The following AGO4 variants were observed in gnomAD, a reference collection of about 807,000 sequenced individuals.
AGO4 encodes the protein argonaute RISC component 4.
In AGO4, 33 loss-of-function variants were observed where a neutral mutation model predicts 104.7. That is an observed-to-expected ratio of 0.32 (90% CI 0.24 to 0.42). The LOEUF is 0.42. Ranked by LOEUF, AGO4 falls within the 10% of genes least tolerant of loss-of-function variation. The pLI is 1.00. For synonymous variants in AGO4, 331 were observed against 364.7 expected (o/e 0.91, Z 1.05); for missense variants, 711 against 1,083.4 (o/e 0.66, Z 4.83).
At chr1:35,822,552 C>G (rs1295003966) in intron 2 of AGO4, among the ~76,000 whole-genome samples, 1 of 152,146 alleles carries the variant, frequency 6.6e-6, no homozygotes, top group Non-Finnish European at 1.5e-5. Context: ...CCACACCCAG[C>G]CAGGTTATTC....
At chr1:35,849,359 T>A (rs1644646654) in intron 15 of AGO4, among the ~76,000 whole-genome samples, 1 of 152,040 alleles carries the variant, frequency 6.6e-6, no homozygotes, top group African/African-American at 2.4e-5. Flanking sequence ...GATAACCATT[T>A]GCCAGTGACT....
intron 9 of AGO4, 31 bp downstream of exon 9, chr1:35,831,962 A>G: frequency 6.2e-7 from 1 of 1,608,378 alleles, no homozygotes; most frequent in Non-Finnish European, 8.5e-7. Context: ...AAGATGAGCT[A>G]GCTTTGAGAT....
In AGO4 at chr1:35,808,672, C is replaced by T. The variant is rs535803699; in HGVS notation, c.19+237C>T. ...CAGGGGGGAGGTTCGGGAAGGTGAC[C>T]GGCGCTGCCGGGCGGAGGCCACTCT... On this transcript the variant is annotated intron_variant, in intron 1 of 17. Transcript: ENST00000373210. This position sits in a 1 kb window ranked among gnomAD's most constrained non-coding sequence, Gnocchi z 5.2. Among the ~76,000 whole-genome samples, 26 of 152,192 alleles carry T rather than the reference C, an allele frequency of 1.7e-4. No individual in the cohort carries two copies. The highest frequency in any genetic ancestry group is 5.1e-4 in the African/African-American group (21 of 41,554).
At chr1:35,822,341 C>T (rs943944010) in intron 2 of AGO4, among the ~76,000 whole-genome samples, 7 of 152,094 alleles carry the variant, frequency 4.6e-5, no homozygotes, top group African/African-American at 1.2e-4. Context: ...CCACAACCTC[C>T]GCTTCCCAGG....
chr1:35,818,954 A>G (rs1397654188), intron 2 of AGO4, among the ~76,000 whole-genome samples: 1 of 152,170 alleles, frequency 6.6e-6, no homozygotes, highest in African/African-American at 2.4e-5. Context: ...ATTAGACCCT[A>G]GCAGGTAAGG....
chr1:35,844,922 A>T (rs543893761), intron 15 of AGO4, among the ~76,000 whole-genome samples: 2 of 152,152 alleles, frequency 1.3e-5, no homozygotes, highest in Admixed American at 1.3e-4. Context: ...TCAAACTTTA[A>T]TTTTCTGTAG....
At chr1:35,819,599 G>A (rs1043280946) in intron 2 of AGO4, among the ~76,000 whole-genome samples, 12 of 151,778 alleles carry the variant, frequency 7.9e-5, no homozygotes, top group Non-Finnish European at 1.8e-4. Flanking sequence ...ATGGTATGGT[G>A]GTGTGTGCCT....
intron 13 of AGO4, among the ~76,000 whole-genome samples, chr1:35,839,122 A>G (rs1237928670): frequency 6.6e-6 from 1 of 152,032 alleles, no homozygotes; most frequent in Non-Finnish European, 1.5e-5. Context: ...CTGGGACCAC[A>G]GGTGTGCACC....
chr1:35,831,279 T>C (rs1368609924), intron 7 of AGO4, 148 bp from the exon 8 acceptor site: 10 of 726,526 alleles, frequency 1.4e-5, no homozygotes, highest in East Asian at 3.0e-5. Context: ...TGAGAATCCA[T>C]TGAACCCGGG....
chr1:35,816,029 G>A (rs935625546), intron 1 of AGO4, among the ~76,000 whole-genome samples: 11 of 152,258 alleles, frequency 7.2e-5, no homozygotes, highest in African/African-American at 2.6e-4. Context: ...AGATTGTCCA[G>A]GTTCTAAAAA....
chr1:35,826,967 C>T (rs1400717167), intron 7 of AGO4, 132 bp downstream of exon 7: 4 of 859,794 alleles, frequency 4.7e-6, no homozygotes, highest in East Asian at 5.5e-5. Flanking sequence ...TTTGAGAGGC[C>T]GAGGTAGGTG....
At chr1:35,826,703 G>A in intron 6 of AGO4, 45 bp from the exon 7 acceptor site, 1 of 1,505,782 alleles carries the variant, frequency 6.6e-7, no homozygotes, top group Non-Finnish European at 9.2e-7. Context: ...TTTTGCCACT[G>A]TGATTTTAAT....
intron 2 of AGO4, among the ~76,000 whole-genome samples, chr1:35,819,637 G>A (rs1643842228): frequency 6.6e-6 from 1 of 151,000 alleles, no homozygotes. Flanking sequence ...GGAGGCTGAG[G>A]CAGAAGAATC....
chr1:35,827,468 C>T (rs1204995982), intron 7 of AGO4, among the ~76,000 whole-genome samples: 1 of 152,016 alleles, frequency 6.6e-6, no homozygotes, highest in Admixed American at 6.6e-5. Context: ...TTGCAGTGAG[C>T]CAAGATCACA....
At position 35,808,429 on chromosome 1, in the gene AGO4, G is replaced by A; in HGVS notation, c.13G>A (p.Gly5Arg). The change falls in exon 1 of 18, where the codon GGA becomes AGA. Residue 5 changes from glycine to arginine, a missense_variant. Physicochemically the swap from Gly to Arg is moderately radical, Grantham distance 125. Around this residue, in one of 3 missense-constraint regions of AGO4, gnomAD observed 308 missense variants for 397.8 expected, o/e 0.77. Coordinates refer to ENST00000373210, the MANE Select transcript of AGO4 (RefSeq NM_017629.4). The surrounding 1 kb of genome is among the most constrained non-coding windows in gnomAD (Gnocchi z 5.2). The stretch of plus-strand genomic sequence containing the variant: ...CCCCGCCGCCGCCATGGAGGCGCTG[G>A]GACCCGGTGAGGAGCGAGCTCGGGT... MEAL[G>R]PGPPASLFQP... is the part of the protein sequence containing the mutation. 8.5e-7 allele frequency: 1 copy of A among 1,172,002 alleles called. No homozygotes were observed. The highest frequency in any genetic ancestry group is 1.1e-6 in the Non-Finnish European group (1 of 949,754). 72.6% of individuals were successfully genotyped at this position (1,172,002 alleles called of 1,614,324 possible).
chr1:35,825,955 C>T lies in AGO4; in HGVS notation c.655C>T (p.Pro219Ser). Reference sequence around the variant, plus strand: ...TGCAACTGCTTTCTACCGGGCTCAGCCTATCATTGAGTTCATGTGTGAGGT... The same window carrying T: ...TGCAACTGCTTTCTACCGGGCTCAGTCTATCATTGAGTTCATGTGTGAGGT... ...VSATAFYRAQ[P>S]IIEFMCEVLD... The change falls in exon 6 of 18, where the codon CCT becomes TCT. Residue 219 changes from proline to serine, a missense_variant. Physicochemically the swap from Pro to Ser is moderately conservative, Grantham distance 74. Coordinates refer to ENST00000373210, the MANE Select transcript of AGO4 (RefSeq NM_017629.4). 1 of 1,614,166 alleles carries T rather than the reference C, an allele frequency of 6.2e-7. No individual in the cohort carries two copies. Among genetic ancestry groups the T allele is most frequent in the Non-Finnish European group, 8.5e-7 (1 of 1,180,030 alleles).
chr1:35,843,210 C>T (rs1314706692), intron 15 of AGO4, among the ~76,000 whole-genome samples: 7 of 152,168 alleles, frequency 4.6e-5, no homozygotes, highest in African/African-American at 7.2e-5. Flanking sequence ...GGATTATAGG[C>T]GCCCACCACC....
In AGO4 at chr1:35,841,829, TATATATATAC is replaced by T. The variant is rs984857077; in HGVS notation, c.2175+81_2175+90del. On this transcript the variant is annotated intron_variant, in intron 15 of 17. Transcript: ENST00000373210. The surrounding 1 kb of genome is among the most constrained non-coding windows in gnomAD (Gnocchi z 4.7). ...ATATGCACATATATATATATATATA[TATATATATAC>T]ACCATTTTTATACAATTTTTTTCTT... 40 of 846,174 alleles carry T rather than the reference TATATATATAC, an allele frequency of 4.7e-5. No individual in the cohort carries two copies. Among genetic ancestry groups the T allele is most frequent in the Admixed American group, 3.5e-4 (8 of 22,848 alleles). 52.4% of individuals were successfully genotyped at this position (846,174 alleles called of 1,614,324 possible). A position where few individuals can be genotyped will look rare whatever the true frequency, so the allele number is the denominator to read the frequency against.
Position 35,853,547 on chromosome 1 carries a change from C to A in AGO4, c.2528C>A (p.Ala843Asp), listed in dbSNP as rs201449888. The A allele has an allele frequency of 1.9e-6, 3 of 1,613,790 alleles. No homozygotes were observed. The highest frequency in any genetic ancestry group is 1.1e-5 in the South Asian group (1 of 91,062). ...SGQSNGRDPQ[A>D]LAKAVQIHHD... is the part of the protein sequence containing the mutation. Reference sequence around the variant, plus strand: ...CAGAGCAACGGCCGGGATCCTCAGGCCTTGGCTAAGGCTGTGCAAATCCAC... The same window carrying A: ...CAGAGCAACGGCCGGGATCCTCAGGACTTGGCTAAGGCTGTGCAAATCCAC... Residue 843 changes from alanine (A) to aspartate (D), a missense_variant, in exon 18 of 18, where the codon GCC (alanine) becomes GAC (aspartate). Around this residue, in one of 3 missense-constraint regions of AGO4, gnomAD observed 401 missense variants for 665.5 expected, o/e 0.60. Coordinates refer to ENST00000373210, the MANE Select transcript of AGO4 (RefSeq NM_017629.4).
Sources: gnomAD v4.1 joint callset for allele counts (sites outside exome capture counted in the v4.1 genomes callset) on GRCh38, gnomAD v4.1.1 for gene constraint, gnomAD v4.1.1 regional missense constraint, Gnocchi (gnomAD v3.1) non-coding constraint, MANE v1.5 for transcripts, NCBI Gene and HGNC (gene_info 2026-07-23, HGNC 2026-07-21) for gene names.